LRMDA: variants seen among roughly 807,000 people sequenced by gnomAD.
The protein encoded by LRMDA is leucine rich melanocyte differentiation associated, also known as leucine-rich melanocyte differentiation-associated protein.
LRMDA carries 18 observed loss-of-function variants against 29.8 expected under a neutral mutation model. The observed-to-expected ratio is 0.60, with a 90% CI of 0.42 to 0.90. The LOEUF (loss-of-function observed/expected upper bound fraction) is 0.90. Ranked by LOEUF, LRMDA falls within the 40% of genes least tolerant of loss-of-function variation. The pLI is 0.00. For synonymous variants in LRMDA, 125 were observed against 109.4 expected (o/e 1.14, Z -0.89); for missense variants, 273 against 273.9 (o/e 1.00, Z 0.02).
chr10:76,353,330 T>TGTGTGTGTG (rs1841200418), intron 6 of LRMDA, among the ~76,000 whole-genome samples: 1 of 146,192 alleles, frequency 6.8e-6, no homozygotes, highest in African/African-American at 2.5e-5. Flanking sequence ...AGCTGTGGAG[T>TGTGTGTGTG]TGTGTGTGTG....
chr10:76,517,984 T>A (rs1843078999), intron 6 of LRMDA, among the ~76,000 whole-genome samples: 1 of 147,382 alleles, frequency 6.8e-6, no homozygotes, highest in South Asian at 2.1e-4. Context: ...AAAAAGAAGC[T>A]TAGAAGTGGA....
chr10:76,112,780 C>A (rs1849603280), intron 5 of LRMDA, among the ~76,000 whole-genome samples: 1 of 149,400 alleles, frequency 6.7e-6, no homozygotes, highest in Non-Finnish European at 1.5e-5. Context: ...TGTGTTCTAG[C>A]CTGAGGGTGC....
At chr10:75,663,802 G>A (rs1841785465) in intron 2 of LRMDA, among the ~76,000 whole-genome samples, 1 of 152,054 alleles carries the variant, frequency 6.6e-6, no homozygotes, top group African/African-American at 2.4e-5. Context: ...TCTGGGCTTA[G>A]TTTAGACCCC....
At chr10:75,589,854 C>T (rs1426131566) in intron 2 of LRMDA, among the ~76,000 whole-genome samples, 1 of 151,298 alleles carries the variant, frequency 6.6e-6, no homozygotes, top group Non-Finnish European at 1.5e-5. Flanking sequence ...TTTGTTTGTG[C>T]ATGTGTGTAC....
At chr10:76,067,115 T>A (rs1182072343) in intron 5 of LRMDA, among the ~76,000 whole-genome samples, 1 of 152,214 alleles carries the variant, frequency 6.6e-6, no homozygotes, top group Non-Finnish European at 1.5e-5. Flanking sequence ...AGACAGCTGA[T>A]GGCTGTCAGA....
At chr10:76,190,851 G>A (rs988606903) in intron 5 of LRMDA, among the ~76,000 whole-genome samples, 6 of 152,142 alleles carry the variant, frequency 3.9e-5, no homozygotes, top group African/African-American at 1.4e-4. Context: ...AGGGAGGGCC[G>A]GGTATTCAGC....
intron 2 of LRMDA, among the ~76,000 whole-genome samples, chr10:75,623,021 A>C (rs530941086): frequency 6.6e-6 from 1 of 152,358 alleles, no homozygotes; most frequent in Non-Finnish European, 1.5e-5. Context: ...GCTTTAATTT[A>C]ACAAATAAAC....
chr10:75,891,983 TTC>T (rs1845499807), intron 2 of LRMDA, among the ~76,000 whole-genome samples: 1 of 152,082 alleles, frequency 6.6e-6, no homozygotes, highest in Admixed American at 6.6e-5. Context: ...ACTTGGGAGT[TTC>T]TGTCAGTATG....
chr10:76,136,068 C>T (rs983419079), intron 5 of LRMDA, among the ~76,000 whole-genome samples: 7 of 152,142 alleles, frequency 4.6e-5, no homozygotes, highest in Admixed American at 1.3e-4. Flanking sequence ...CATATAGTAA[C>T]TACTTGATAA....
chr10:75,760,713 A>G (rs12241377), intron 2 of LRMDA, among the ~76,000 whole-genome samples: 11,644 of 152,220 alleles, frequency 0.076, 1,223 homozygotes, highest in African/African-American at 0.24. Flanking sequence ...GGATGAGGGC[A>G]GTGGATGAGG....
At chr10:76,541,592 CA>C (rs11337988) in intron 6 of LRMDA, among the ~76,000 whole-genome samples, 53,788 of 151,984 alleles carry the variant, frequency 0.35, 10,288 homozygotes, top group Middle Eastern at 0.51. Context: ...TTTTTGTTTC[CA>C]GGGGTAAGAA....
At chr10:75,823,582 A>T (rs1844198558) in intron 2 of LRMDA, among the ~76,000 whole-genome samples, 1 of 152,162 alleles carries the variant, frequency 6.6e-6, no homozygotes, top group Non-Finnish European at 1.5e-5. Flanking sequence ...AAAGAATTAA[A>T]AATAGAACTA....
chr10:76,088,378 A>G (rs968901717), intron 5 of LRMDA, among the ~76,000 whole-genome samples: 8 of 152,082 alleles, frequency 5.3e-5, no homozygotes, highest in African/African-American at 1.4e-4. Flanking sequence ...CATTCTTCCT[A>G]TTGAGGAGGG....
chr10:76,387,048 T>C lies in LRMDA; in HGVS notation c.601+62563T>C, dbSNP rs7071537. ...ATGAAATGGTAATACTTAATAAATG[T>C]TAGGGCACAATGATGCTATCTTTCT... On this transcript the variant is annotated intron_variant, in intron 6 of 6. Coordinates refer to ENST00000611255, the MANE Select transcript of LRMDA (RefSeq NM_001305581.2). Among the ~76,000 whole-genome samples the C allele has an allele frequency of 8.2e-3, 1,244 of 152,312 alleles. 17 individuals carry two copies. The highest frequency in any genetic ancestry group is 0.028 in the African/African-American group (1,159 of 41,562).
chr10:76,013,677 G>C (rs994752014), intron 2 of LRMDA, among the ~76,000 whole-genome samples: 1 of 151,988 alleles, frequency 6.6e-6, no homozygotes, highest in African/African-American at 2.4e-5. Flanking sequence ...GAGGGAGGTG[G>C]GGGGGAAGGC....
At chr10:75,703,166 A>C (rs1256802206) in intron 2 of LRMDA, among the ~76,000 whole-genome samples, 2 of 152,066 alleles carry the variant, frequency 1.3e-5, no homozygotes, top group Admixed American at 1.3e-4. Flanking sequence ...AATTTTGTCA[A>C]AGCAAAATAT....
intron 2 of LRMDA, among the ~76,000 whole-genome samples, chr10:75,681,848 A>G (rs372627220): frequency 2.0e-5 from 3 of 152,260 alleles, no homozygotes; most frequent in African/African-American, 7.2e-5. Flanking sequence ...TCTCATCATC[A>G]TCATGTTATC....
At chr10:75,483,435 G>T (rs1025221718) in intron 2 of LRMDA, among the ~76,000 whole-genome samples, 1 of 152,208 alleles carries the variant, frequency 6.6e-6, no homozygotes, top group African/African-American at 2.4e-5. Flanking sequence ...TCTGTCTTGA[G>T]AGGGAAAAGA....
intron 5 of LRMDA, among the ~76,000 whole-genome samples, chr10:76,299,188 T>TGTGC (rs1188916957): frequency 2.0e-5 from 3 of 147,696 alleles, no homozygotes; most frequent in Non-Finnish European, 4.5e-5. Context: ...TGTGTGTGTG[T>TGTGC]GCATGCACGC....
Sources: gnomAD v4.1 joint callset for allele counts (sites outside exome capture counted in the v4.1 genomes callset) on GRCh38, gnomAD v4.1.1 for gene constraint, MANE v1.5 for transcripts, NCBI Gene and HGNC (gene_info 2026-07-23, HGNC 2026-07-21) for gene names.